CDH18: variants seen among roughly 807,000 people sequenced by gnomAD.
The protein encoded by CDH18 is cadherin-18.
Under a neutral mutation model 67.9 loss-of-function variants are expected in CDH18, and 31 were observed. The ratio of observed to expected loss-of-function variants is 0.46; its 90% CI spans 0.34 to 0.62. The LOEUF (loss-of-function observed/expected upper bound fraction) is 0.62. CDH18 is among the 20% of genes least tolerant of loss of function. CDH18 has a pLI of 0.01. For synonymous variants in CDH18, 362 were observed against 347.2 expected (o/e 1.04, Z -0.48); for missense variants, 890 against 975.5 (o/e 0.91, Z 1.17).
At chr5:20,073,093 T>TA (rs1441623725) in intron 2 of CDH18, among the ~76,000 whole-genome samples, 1 of 151,992 alleles carries the variant, frequency 6.6e-6, no homozygotes, top group East Asian at 1.9e-4. Flanking sequence ...AATCAGTAGT[T>TA]GTCAACTTCA....
At chr5:20,560,257 T>A (rs532865027) in intron 1 of CDH18, among the ~76,000 whole-genome samples, 2 of 152,062 alleles carry the variant, frequency 1.3e-5, no homozygotes, top group Non-Finnish European at 2.9e-5. Flanking sequence ...TTTTAAACAG[T>A]CATGGAGAGT....
chr5:19,834,141 CT>C (rs748746885), intron 3 of CDH18, among the ~76,000 whole-genome samples: 13 of 140,002 alleles, frequency 9.3e-5, no homozygotes, highest in Non-Finnish European at 1.8e-4. Flanking sequence ...GTGAATCTAT[CT>C]GGTCCTGGGA....
intron 2 of CDH18, among the ~76,000 whole-genome samples, chr5:20,255,030 A>C (rs986091127): frequency 1.3e-5 from 2 of 152,192 alleles, no homozygotes; most frequent in Non-Finnish European, 2.9e-5. Flanking sequence ...CAACAACAAC[A>C]AAAAACAAAT....
chr5:20,418,242 A>ATTTT (rs58308147), intron 1 of CDH18, among the ~76,000 whole-genome samples: 959 of 56,874 alleles, frequency 0.017, 74 homozygotes, highest in African/African-American at 0.024. Flanking sequence ...CTGCTGGCTA[A>ATTTT]TTTTTTTTTT....
chr5:19,482,572 T>G (rs147868126), intron 12 of CDH18, among the ~76,000 whole-genome samples: 108 of 152,294 alleles, frequency 7.1e-4, no homozygotes, highest in African/African-American at 2.4e-3. Flanking sequence ...TTATCTATTT[T>G]TTATTTGGTT....
At chr5:20,172,986 GTC>G (rs1379480920) in intron 2 of CDH18, among the ~76,000 whole-genome samples, 1 of 88,590 alleles carries the variant, frequency 1.1e-5, no homozygotes, top group East Asian at 3.6e-4. Flanking sequence ...GTGAAACTCC[GTC>G]TCAAAAAAAA....
At chr5:20,296,483 G>T (rs1012338801) in intron 1 of CDH18, among the ~76,000 whole-genome samples, 2 of 151,558 alleles carry the variant, frequency 1.3e-5, no homozygotes, top group South Asian at 4.2e-4. Flanking sequence ...GGGTGGTCTC[G>T]ATCTCCTGAC....
intron 7 of CDH18, among the ~76,000 whole-genome samples, chr5:19,579,367 A>G (rs1468448192): frequency 2.7e-5 from 4 of 150,270 alleles, no homozygotes; most frequent in Non-Finnish European, 5.9e-5. Context: ...CATATCTCTT[A>G]CTTTCCTTTT....
chr5:19,777,853 G>A (rs1774579767), intron 3 of CDH18, among the ~76,000 whole-genome samples: 1 of 152,102 alleles, frequency 6.6e-6, no homozygotes, highest in South Asian at 2.1e-4. Context: ...TTGCCAGACA[G>A]ATCAGGAGAA....
intron 5 of CDH18, among the ~76,000 whole-genome samples, chr5:19,683,941 G>A (rs566635159): frequency 1.3e-5 from 2 of 152,208 alleles, no homozygotes; most frequent in South Asian, 4.1e-4. Context: ...AGGTCAACTA[G>A]ACTCTCTAGA....
At chr5:19,882,183 T>G (rs1335824620) in intron 2 of CDH18, among the ~76,000 whole-genome samples, 2 of 152,148 alleles carry the variant, frequency 1.3e-5, no homozygotes, top group Non-Finnish European at 2.9e-5. Flanking sequence ...GGAAGAAAAT[T>G]GCCAACTCAA....
chr5:20,453,988 T>C (rs1391521332), intron 1 of CDH18, among the ~76,000 whole-genome samples: 1 of 152,126 alleles, frequency 6.6e-6, no homozygotes, highest in Admixed American at 6.6e-5. Context: ...AGACTACTGT[T>C]ATGGAAAAGA....
intron 3 of CDH18, among the ~76,000 whole-genome samples, chr5:19,805,710 CT>C (rs1053871648): frequency 4.0e-5 from 6 of 151,200 alleles, no homozygotes; most frequent in East Asian, 3.9e-4. Context: ...TCCTGCAGCC[CT>C]TTTTTTTTCC....
At chr5:19,979,690 T>C (rs777390564) in intron 2 of CDH18, among the ~76,000 whole-genome samples, 11 of 152,180 alleles carry the variant, frequency 7.2e-5, no homozygotes, top group Non-Finnish European at 1.3e-4. Context: ...ATAAATGTAA[T>C]AGAAGATAAA....
intron 1 of CDH18, among the ~76,000 whole-genome samples, chr5:20,542,839 T>A (rs1757129708): frequency 1.3e-5 from 2 of 152,038 alleles, no homozygotes; most frequent in Non-Finnish European, 2.9e-5. Context: ...AATTCTCCAA[T>A]ATTTTTATTA....
intron 2 of CDH18, among the ~76,000 whole-genome samples, chr5:20,083,179 A>G (rs1046133798): frequency 6.6e-6 from 1 of 152,220 alleles, no homozygotes; most frequent in Non-Finnish European, 1.5e-5. Flanking sequence ...ACTTAGAGAT[A>G]GCTTCAACTA....
At chr5:19,690,287 A>G (rs1761690008) in intron 5 of CDH18, among the ~76,000 whole-genome samples, 1 of 151,618 alleles carries the variant, frequency 6.6e-6, no homozygotes, top group South Asian at 2.1e-4. Flanking sequence ...ACCAAAACCT[A>G]TTGGATACAG....
chr5:20,539,638 G>A lies in CDH18; in HGVS notation c.-580+35824C>T, dbSNP rs537287013. Among the ~76,000 whole-genome samples, 30 of 152,088 alleles carry A rather than the reference G, an allele frequency of 2.0e-4. No individual in the cohort carries two copies. The South Asian group carries it at 6.0e-3, about 31-fold the overall frequency. On this transcript the variant is annotated intron_variant, in intron 1 of 14. Coordinates refer to the CDH18 transcript ENST00000507958. The stretch of plus-strand genomic sequence containing the variant: ...TTAAAAAGTCTAGAAAAGAGAGTGA[G>A]TCTGTTGGTATCTAAATTAAATATT...
At chr5:20,003,740 C>T (rs1232146621) in intron 2 of CDH18, among the ~76,000 whole-genome samples, 1 of 151,784 alleles carries the variant, frequency 6.6e-6, no homozygotes, top group Non-Finnish European at 1.5e-5. Context: ...AAAACACACA[C>T]ACAAAAAATT....
Sources: allele counts gnomAD v4.1 joint callset (sites outside exome capture counted in the v4.1 genomes callset), GRCh38; gene constraint gnomAD v4.1.1; transcripts MANE v1.5; gene names NCBI Gene and HGNC (gene_info 2026-07-23, HGNC 2026-07-21).